CIP2A: variants seen among roughly 807,000 people sequenced by gnomAD.
The protein encoded by CIP2A is cellular inhibitor of PP2A, also known as protein CIP2A.
Under a neutral mutation model 110.9 loss-of-function variants are expected in CIP2A, and 103 were observed. The ratio of observed to expected loss-of-function variants is 0.93; its 90% confidence interval spans 0.79 to 1.09. The LOEUF is 1.09. CIP2A is among the 50% of genes least tolerant of loss of function. The pLI is 0.00. For missense variants in CIP2A, 1,088 were observed against 1,038.4 expected (o/e 1.05, Z -0.66); for synonymous variants, 381 against 361.6 (o/e 1.05, Z -0.61).
At chr3:108,563,463 T>C (rs1161453845) in intron 12 of CIP2A, among the ~76,000 whole-genome samples, 1 of 152,086 alleles carries the variant, frequency 6.6e-6, no homozygotes. Flanking sequence ...TTTAAAAAAA[T>C]CTGGCAAAGG....
At chr3:108,553,798 TACCAAGC>T in intron 18 of CIP2A, 68 bp from the exon 19 acceptor site, 1 of 1,324,644 alleles carries the variant, frequency 7.5e-7, no homozygotes, top group Non-Finnish European at 1.0e-6. Context: ...TTTTTCTCCC[TACCAAGC>T]ACTTTGGGAG....
At chr3:108,566,080 T>C (rs1172877970) in intron 11 of CIP2A, among the ~76,000 whole-genome samples, 1 of 151,732 alleles carries the variant, frequency 6.6e-6, no homozygotes, top group East Asian at 1.9e-4. Context: ...ATTCCTGACC[T>C]GCCAAGGAAG....
chr3:108,578,501 TA>T (rs34658913), intron 7 of CIP2A, among the ~76,000 whole-genome samples: 54,444 of 152,032 alleles, frequency 0.36, 10,310 homozygotes, highest in East Asian at 0.53. Context: ...TAGCTTTCAT[TA>T]AAATAAAACT....
intron 10 of CIP2A, among the ~76,000 whole-genome samples, chr3:108,567,150 G>A (rs1938216543): frequency 6.6e-6 from 1 of 151,648 alleles, no homozygotes; most frequent in Non-Finnish European, 1.5e-5. Context: ...AAACAAAAAA[G>A]CCAACATGCA....
In CIP2A at chr3:108,589,390, C is replaced by T. The variant is rs918725557; in HGVS notation, c.-15G>A. On this transcript the variant is annotated 5_prime_UTR_variant, in exon 1 of 21. Coordinates refer to ENST00000295746, the MANE Select transcript of CIP2A (RefSeq NM_020890.3). The stretch of plus-strand genomic sequence containing the variant: ...GTGGAGTCCATTGCACCGGCCGCGG[C>T]CCGGCTTAGGGACCACCACCGCCCA... The T allele has an allele frequency of 6.3e-7, 1 of 1,599,952 alleles. No individual in the cohort carries two copies. The highest frequency in any genetic ancestry group is 8.5e-7 in the Non-Finnish European group (1 of 1,169,910).
Position 108,585,050 on chromosome 3 carries a change from A to G in CIP2A, c.250+15T>C. ...CATCTTCCAAAAACTAAAAAGGAGA[A>G]ATTAAATGCATTACCTAGTTGAGAC... On this transcript the variant is annotated intron_variant, in intron 2 of 20. Coordinates refer to ENST00000295746, the MANE Select transcript of CIP2A (RefSeq NM_020890.3). 1 of 1,596,354 alleles carries G rather than the reference A, an allele frequency of 6.3e-7. No individual in the cohort carries two copies. Among genetic ancestry groups the G allele is most frequent in the South Asian group, 1.1e-5 (1 of 88,016 alleles).
At chr3:108,557,182 G>A (rs372361297) in intron 17 of CIP2A, 36 bp downstream of exon 17, 1 of 1,367,396 alleles carries the variant, frequency 7.3e-7, no homozygotes, top group Non-Finnish European at 1.0e-6. Flanking sequence ...TTCATTCTAG[G>A]TTCTAACCTT....
intron 1 of CIP2A, among the ~76,000 whole-genome samples, chr3:108,588,939 T>A (rs1939201248): frequency 6.6e-6 from 1 of 152,178 alleles, no homozygotes; most frequent in Non-Finnish European, 1.5e-5. Flanking sequence ...AGAATAGTTG[T>A]GTATTGAGGG....
At chr3:108,573,663 C>T (rs1387653357) in intron 8 of CIP2A, among the ~76,000 whole-genome samples, 3 of 151,812 alleles carry the variant, frequency 2.0e-5, no homozygotes, top group South Asian at 2.1e-4. Flanking sequence ...TCTTAAGATC[C>T]ATTTAGATAC....
chr3:108,575,908 A>G (rs1356821391), intron 8 of CIP2A, among the ~76,000 whole-genome samples: 1 of 148,814 alleles, frequency 6.7e-6, no homozygotes, highest in African/African-American at 2.5e-5. Flanking sequence ...ATATACATAT[A>G]TACATATACG....
intron 19 of CIP2A, among the ~76,000 whole-genome samples, chr3:108,553,121 G>GTTTTTTTTTTTTTT (rs768832281): frequency 1.5e-5 from 1 of 67,158 alleles, no homozygotes. Flanking sequence ...CTTTCCTTTT[G>GTTTTTTTTTTTTTT]TTTTTTTTTT....
intron 8 of CIP2A, among the ~76,000 whole-genome samples, chr3:108,575,632 GTA>G (rs373674516): frequency 3.3e-5 from 4 of 121,220 alleles, no homozygotes; most frequent in Admixed American, 1.6e-4. Flanking sequence ...ATATATACGT[GTA>G]TATATACTCA....
intron 8 of CIP2A, among the ~76,000 whole-genome samples, chr3:108,572,546 C>T (rs1576310022): frequency 6.6e-6 from 1 of 151,934 alleles, no homozygotes; most frequent in African/African-American, 2.4e-5. Flanking sequence ...ATCATTATGA[C>T]AAAATACTGC....
Position 108,569,420 on chromosome 3 carries a change from A to C in CIP2A, c.1082T>G (p.Leu361Ter). The C allele has an allele frequency of 6.2e-7, 1 of 1,612,320 alleles. No individual in the cohort carries two copies. The highest frequency in any genetic ancestry group is 1.1e-5 in the South Asian group (1 of 91,040). ...TATTTCCTTGAACAACTCCAATGCTAAAACAGAACAGTTTTCTGATCCGTC... is the reference window on the plus strand; with the variant it reads ...TATTTCCTTGAACAACTCCAATGCTCAAACAGAACAGTTTTCTGATCCGTC... ...PLDGSENCSV[L>*]ALELFKEIFE... Residue 361 changes from leucine to a stop codon, truncating the protein, a stop_gained, in exon 9 of 21, where the codon TTA becomes TGA. Transcript: ENST00000295746. LOFTEE classifies it high-confidence loss of function.
At chr3:108,559,310 T>A (rs1937917902) in intron 16 of CIP2A, among the ~76,000 whole-genome samples, 1 of 152,136 alleles carries the variant, frequency 6.6e-6, no homozygotes, top group Non-Finnish European at 1.5e-5. Context: ...AGAATAATTT[T>A]AAAAAGGGAA....
chr3:108,579,256 T>C, intron 7 of CIP2A, 25 bp downstream of exon 7: 1 of 1,570,386 alleles, frequency 6.4e-7, no homozygotes, highest in Non-Finnish European at 8.7e-7. Context: ...AAAAAAGTTC[T>C]AAAATTGACT....
intron 13 of CIP2A, 27 bp downstream of exon 13, chr3:108,563,099 G>C (rs1168637136): frequency 7.1e-7 from 1 of 1,412,764 alleles, no homozygotes; most frequent in South Asian, 1.2e-5. Flanking sequence ...CACCACAAGA[G>C]ATACACTGCA....
chr3:108,560,615 T>A (rs763926284), intron 14 of CIP2A, 34 bp downstream of exon 14: 2 of 1,356,482 alleles, frequency 1.5e-6, no homozygotes, highest in South Asian at 2.7e-5. Flanking sequence ...ATAGCTAATA[T>A]GTACCAGGTT....
At chr3:108,586,905 A>C (rs948313827) in intron 1 of CIP2A, among the ~76,000 whole-genome samples, 6 of 152,212 alleles carry the variant, frequency 3.9e-5, no homozygotes, top group Non-Finnish European at 5.9e-5. Context: ...AAGAATGAAT[A>C]ATCTCCTTTC....
Sources: allele counts gnomAD v4.1 joint callset (sites outside exome capture counted in the v4.1 genomes callset), GRCh38; gene constraint gnomAD v4.1.1; transcripts MANE v1.5; gene names NCBI Gene and HGNC (gene_info 2026-07-23, HGNC 2026-07-21).